Variants in MAEA observed in about 807,000 individuals in gnomAD.
The protein encoded by MAEA is E3 ubiquitin-protein transferase MAEA.
MAEA carries 22 observed loss-of-function variants against 46.2 expected under a neutral mutation model. That is an observed-to-expected ratio of 0.48 (90% CI 0.34 to 0.68). The LOEUF (loss-of-function observed/expected upper bound fraction) is 0.68. Among genes scored for constraint, MAEA ranks in the 30% least tolerant of loss-of-function variants. MAEA has a pLI of 0.01. For missense variants in MAEA, 393 were observed against 558.1 expected (o/e 0.70, Z 2.98); for synonymous variants, 246 against 222.6 (o/e 1.11, Z -0.94).
chr4:1,320,585 AAAG>A, intron 3 of MAEA, among the ~76,000 whole-genome samples: 1 of 151,240 alleles, frequency 6.6e-6, no homozygotes. Flanking sequence ...GGGCTTCAGA[AAAG>A]AAATCAAAGC....
chr4:1,338,395 C>T, intron 7 of MAEA, 27 bp from the exon 8 acceptor site: 1 of 1,593,310 alleles, frequency 6.3e-7, no homozygotes, highest in Non-Finnish European at 8.6e-7. Context: ...TGAGTGGCCC[C>T]CAACCCTTCC....
chr4:1,328,807 C>T lies in MAEA; in HGVS notation c.656+1104C>T, dbSNP rs183732663. The T allele has an allele frequency of 9.7e-5, 104 of 1,074,340 alleles. No homozygotes were observed. In the African/African-American group the frequency reaches 9.9e-4, roughly 10 times the overall value. 66.6% of individuals were successfully genotyped at this position (1,074,340 alleles called of 1,614,324 possible). A position where few individuals can be genotyped will look rare whatever the true frequency, so the allele number is the denominator to read the frequency against. Reference sequence around the variant, plus strand: ...CTCCGGCTCCTGATGCTGACCTGGGCGCATGGTGGCAGGTCAGGCCTCGTC... The same window carrying T: ...CTCCGGCTCCTGATGCTGACCTGGGTGCATGGTGGCAGGTCAGGCCTCGTC... On this transcript the variant is annotated intron_variant, in intron 5 of 8. Coordinates refer to ENST00000303400, the MANE Select transcript of MAEA (RefSeq NM_001017405.3).
intron 1 of MAEA, among the ~76,000 whole-genome samples, chr4:1,290,320 C>G (rs1198928484): frequency 6.6e-6 from 1 of 152,154 alleles, no homozygotes; most frequent in Non-Finnish European, 1.5e-5. Flanking sequence ...GGCGCCCAGG[C>G]AGACGGAGTG....
intron 6 of MAEA, among the ~76,000 whole-genome samples, chr4:1,333,333 C>CT (rs1184726762): frequency 6.6e-6 from 1 of 150,800 alleles, no homozygotes; most frequent in Non-Finnish European, 1.5e-5. Context: ...AGAGCAGGAC[C>CT]TTGTCTCCAA....
chr4:1,302,030 A>G lies in MAEA; in HGVS notation c.70-9949A>G, dbSNP rs368735832. 5.7e-4 allele frequency among the ~76,000 whole-genome samples: 87 copies of G among 152,386 alleles called. 1 individual carries two copies. In the South Asian group the frequency reaches 0.015, roughly 27 times the overall value. On this transcript the variant is annotated intron_variant, in intron 1 of 8. Transcript: ENST00000303400. ...TATAACTTTGATATAACCTTGAACCAGACAAAGACATCACAAGAAAACCAT... is the reference window on the plus strand; with the variant it reads ...TATAACTTTGATATAACCTTGAACCGGACAAAGACATCACAAGAAAACCAT...
intron 3 of MAEA, among the ~76,000 whole-genome samples, chr4:1,318,835 G>A (rs1407996630): frequency 1.3e-5 from 2 of 152,274 alleles, no homozygotes; most frequent in Admixed American, 6.5e-5. Flanking sequence ...AATTGGAGAC[G>A]TGACAAACTT....
At chr4:1,315,278 G>A in intron 2 of MAEA, 119 bp from the exon 3 acceptor site, 1 of 947,750 alleles carries the variant, frequency 1.1e-6, no homozygotes, top group Non-Finnish European at 1.6e-6. Context: ...TTTTTTTTCT[G>A]TCCCGTAATC....
chr4:1,338,460 A>G lies in MAEA; in HGVS notation c.938A>G (p.Asp313Gly). ...YKEDGSSKSP[D>G]CPVCSRSLNK... ...GAGGACGGCAGCTCCAAGAGCCCTGACTGCCCTGTGTGCAGCCGCTCCCTG... is the reference window on the plus strand; with the variant it reads ...GAGGACGGCAGCTCCAAGAGCCCTGGCTGCCCTGTGTGCAGCCGCTCCCTG... The change falls in exon 8 of 9, where the codon GAC becomes GGC. Residue 313 changes from aspartate to glycine, a missense_variant. Physicochemically the swap from Asp to Gly is moderately conservative, Grantham distance 94. Coordinates refer to ENST00000303400, the MANE Select transcript of MAEA (RefSeq NM_001017405.3). 6.2e-7 allele frequency: 1 copy of G among 1,613,080 alleles called. No individual in the cohort carries two copies.
intron 5 of MAEA, chr4:1,328,567 G>A: frequency 8.6e-7 from 1 of 1,160,072 alleles, no homozygotes; most frequent in African/African-American, 1.6e-5. Context: ...CAGCAGGTGT[G>A]TTTGCCAGGA....
rs150468473 is a variant in MAEA at position 1,335,107 on chromosome 4, G to C, written c.766-1754G>C. 4 of 985,194 alleles carry C rather than the reference G, an allele frequency of 4.1e-6. No homozygotes were observed. The African/African-American group carries it at 5.2e-5, about 13-fold the overall frequency. 61.0% of individuals were successfully genotyped at this position (985,194 alleles called of 1,614,324 possible). Reference sequence around the variant, plus strand: ...GTTTTTCTCTCCTGTGCTCACACACGCTCTCTCTCTTAAGTCTAAACCTGA... The same window carrying C: ...GTTTTTCTCTCCTGTGCTCACACACCCTCTCTCTCTTAAGTCTAAACCTGA... On this transcript the variant is annotated intron_variant, in intron 6 of 8. Transcript: ENST00000303400.
chr4:1,308,247 G>T (rs958884989), intron 1 of MAEA, among the ~76,000 whole-genome samples: 1 of 152,148 alleles, frequency 6.6e-6, no homozygotes, highest in Non-Finnish European at 1.5e-5. Flanking sequence ...TAGAAAAGGT[G>T]CAGTGAGAAT....
At chr4:1,302,549 G>A (rs559765269) in intron 1 of MAEA, among the ~76,000 whole-genome samples, 2 of 152,158 alleles carry the variant, frequency 1.3e-5, no homozygotes, top group Non-Finnish European at 1.5e-5. Flanking sequence ...GCGCCATCTC[G>A]GCTCACTGCA....
chr4:1,338,869 G>C (rs1713164616), intron 8 of MAEA: 1 of 654,946 alleles, frequency 1.5e-6, no homozygotes, highest in Non-Finnish European at 2.7e-6. Flanking sequence ...GCCCCACCCT[G>C]CCTTAGCTTC....
At position 1,322,943 on chromosome 4, in the gene MAEA, C is replaced by CCTTTT. The variant is rs1560368750; in HGVS notation, c.579+440_579+441insCTTTT. Among the ~76,000 whole-genome samples the CCTTTT allele has an allele frequency of 2.0e-4, 15 of 75,264 alleles. 4 individuals carry two copies. The highest frequency in any genetic ancestry group is 1.9e-4 in the Non-Finnish European group (8 of 41,988). 49.4% of individuals were successfully genotyped at this position (75,264 alleles called of 152,430 possible). ...CTGTGATATTGTTAATGAATACCCA[C>CCTTTT]TTTTTTTTTTTTTTTTTTTTTTTTT... On this transcript the variant is annotated intron_variant, in intron 4 of 8. Coordinates refer to ENST00000303400, the MANE Select transcript of MAEA (RefSeq NM_001017405.3).
chr4:1,313,250 T>G (rs1221835839), intron 2 of MAEA, among the ~76,000 whole-genome samples: 1 of 152,230 alleles, frequency 6.6e-6, no homozygotes, highest in East Asian at 1.9e-4. Flanking sequence ...ACCTTCAATA[T>G]GGGCATAAGA....
At position 1,322,453 on chromosome 4, in the gene MAEA, A is replaced by C. The variant is rs1395113983; in HGVS notation, c.529A>C (p.Thr177Pro). 6.2e-7 allele frequency: 1 copy of C among 1,613,858 alleles called. No individual in the cohort carries two copies. The highest frequency in any genetic ancestry group is 1.3e-5 in the African/African-American group (1 of 74,920). ...EESLERRETA[T>P]CLAWCHDNKS... ...GTCCCTGGAGAGGCGTGAGACGGCCACCTGCCTGGCCTGGTGCCATGACAA... is the reference window on the plus strand; with the variant it reads ...GTCCCTGGAGAGGCGTGAGACGGCCCCCTGCCTGGCCTGGTGCCATGACAA... Residue 177 changes from threonine to proline, a missense_variant, in exon 4 of 9, where the codon ACC becomes CCC. Thr to Pro is a conservative substitution (Grantham distance 38, BLOSUM62 -1). Coordinates refer to ENST00000303400, the MANE Select transcript of MAEA (RefSeq NM_001017405.3).
intron 1 of MAEA, among the ~76,000 whole-genome samples, chr4:1,300,345 C>A (rs1172386855): frequency 3.3e-5 from 5 of 152,202 alleles, no homozygotes; most frequent in Non-Finnish European, 7.3e-5. Flanking sequence ...GAAAGGGACA[C>A]CAAGAAGGGC....
rs1409204805 is a variant in MAEA, at chr4:1,332,754, T to C, written c.657-3T>C. The stretch of plus-strand genomic sequence containing the variant: ...TTAAATGTGCCAAAATGTTGTTTTT[T>C]AGACATGCAAGAAAGCACTTCAGCC... On this transcript the variant is annotated splice_region_variant and splice_polypyrimidine_tract_variant and intron_variant, in intron 5 of 8. Coordinates refer to ENST00000303400, the MANE Select transcript of MAEA (RefSeq NM_001017405.3). The C allele has an allele frequency of 1.9e-6, 3 of 1,608,162 alleles. No homozygotes were observed. Among genetic ancestry groups the C allele is most frequent in the South Asian group, 2.2e-5 (2 of 90,610 alleles).
chr4:1,327,584 G>C, intron 4 of MAEA, 43 bp from the exon 5 acceptor site: 1 of 1,484,838 alleles, frequency 6.7e-7, no homozygotes, highest in Non-Finnish European at 9.4e-7. Flanking sequence ...CCTGGGCTCT[G>C]TGGGATGTGC....
Sources: gnomAD v4.1 joint callset for allele counts (sites outside exome capture counted in the v4.1 genomes callset) on GRCh38, gnomAD v4.1.1 for gene constraint, MANE v1.5 for transcripts, NCBI Gene and HGNC (gene_info 2026-07-23, HGNC 2026-07-21) for gene names.